The following CLECL1 variants were observed in gnomAD, a reference collection of about 807,000 sequenced individuals.
CLECL1 encodes the protein C-type lectin like 1.
intron 1 of CLECL1, among the ~76,000 whole-genome samples, chr12:9,731,433 T>C (rs1323708961): frequency 6.6e-6 from 1 of 152,132 alleles, no homozygotes; most frequent in East Asian, 1.9e-4. Context: ...TGACAACCTT[T>C]AGGAGAAAAG....
chr12:9,714,929 A>G (rs1294407942), downstream of CLECL1, among the ~76,000 whole-genome samples: 2 of 152,212 alleles, frequency 1.3e-5, no homozygotes. Context: ...TCTGGAGAGC[A>G]TCTTTGAACC....
At chr12:9,703,904 AC>A in the CLECL1 span, among the ~76,000 whole-genome samples, 1 of 151,924 alleles carries the variant, frequency 6.6e-6, no homozygotes, top group East Asian at 1.9e-4. Flanking sequence ...TACAGTGGAG[AC>A]CTCAACATAT....
At chr12:9,722,710 G>A in exon 4 of CLECL1, 7 of 1,613,706 alleles carry the variant, frequency 4.3e-6, no homozygotes, top group Non-Finnish European at 5.9e-6. Context: ...TTTGACTTTT[G>A]TTCCAAGATT....
chr12:9,732,981 G>C (rs776471903), exon 1 of CLECL1: 3 of 1,609,554 alleles, frequency 1.9e-6, no homozygotes, highest in African/African-American at 1.3e-5. Flanking sequence ...GAGTTCTAAC[G>C]GGGAAGTCCG....
At chr12:9,710,971 CA>C (rs2121030165), downstream of CLECL1, among the ~76,000 whole-genome samples, 1 of 152,298 alleles carries the variant, frequency 6.6e-6, no homozygotes, top group South Asian at 2.1e-4. Context: ...CCTCAGGATA[CA>C]GAAAGTCCAC....
the CLECL1 span, among the ~76,000 whole-genome samples, chr12:9,702,358 A>G: frequency 3.7e-4 from 56 of 152,230 alleles, no homozygotes; most frequent in South Asian, 0.011. Context: ...TCTCTCTGAC[A>G]TCCGGCTGCT....
intron 3 of CLECL1, among the ~76,000 whole-genome samples, chr12:9,726,313 A>G (rs1197682702): frequency 6.6e-6 from 1 of 152,082 alleles, no homozygotes; most frequent in Admixed American, 6.6e-5. Flanking sequence ...AAGTTTGAAA[A>G]TACATCCCTA....
downstream of CLECL1, among the ~76,000 whole-genome samples, chr12:9,719,470 G>A (rs1409902496): frequency 6.6e-6 from 1 of 152,236 alleles, no homozygotes; most frequent in Non-Finnish European, 1.5e-5. Flanking sequence ...AGCTTGCAGT[G>A]AGCCGAGATT....
At chr12:9,720,169 G>A (rs886553235), downstream of CLECL1, among the ~76,000 whole-genome samples, 21 of 152,028 alleles carry the variant, frequency 1.4e-4, no homozygotes, top group African/African-American at 4.3e-4. Flanking sequence ...TCTTACAGGA[G>A]CAGATTTTGT....
chr12:9,733,339 A>C, upstream of CLECL1: 1 of 1,003,652 alleles, frequency 1.0e-6, no homozygotes, highest in Non-Finnish European at 1.5e-6. Context: ...ATACCACAGA[A>C]GATATCTCAC....
downstream of CLECL1, among the ~76,000 whole-genome samples, chr12:9,714,923 G>A (rs1565479545): frequency 2.0e-5 from 3 of 152,164 alleles, no homozygotes; most frequent in Admixed American, 2.0e-4. Context: ...ACTGGTTCTG[G>A]AGAGCATCTT....
At chr12:9,719,525 C>G (rs775227508), downstream of CLECL1, among the ~76,000 whole-genome samples, 5 of 152,082 alleles carry the variant, frequency 3.3e-5, no homozygotes, top group South Asian at 1.0e-3. Flanking sequence ...GACTTTGTCT[C>G]AAAAACAAAA....
chr12:9,715,540 T>C (rs1014333144), downstream of CLECL1, among the ~76,000 whole-genome samples: 33 of 152,134 alleles, frequency 2.2e-4, 1 homozygote, highest in African/African-American at 6.5e-4. Context: ...AATAAAAAGA[T>C]TGTCTTAACT....
chr12:9,712,476 G>T (rs1292559003), downstream of CLECL1, among the ~76,000 whole-genome samples: 13 of 152,174 alleles, frequency 8.5e-5, no homozygotes, highest in Non-Finnish European at 8.8e-5. Flanking sequence ...AGCCAAGCAT[G>T]AACAATGCAA....
At chr12:9,715,319 G>A (rs984480391), downstream of CLECL1, among the ~76,000 whole-genome samples, 1 of 152,042 alleles carries the variant, frequency 6.6e-6, no homozygotes, top group African/African-American at 2.4e-5. Flanking sequence ...CATTTTTGGG[G>A]ACCCCTTTTC....
the CLECL1 span, among the ~76,000 whole-genome samples, chr12:9,703,437 C>T: frequency 6.6e-6 from 1 of 151,820 alleles, no homozygotes; most frequent in African/African-American, 2.4e-5. Flanking sequence ...CTCTGTTGCT[C>T]AGGCTGGAGT....
intron 3 of CLECL1, among the ~76,000 whole-genome samples, chr12:9,724,281 C>G (rs10772085): frequency 0.54 from 81,714 of 151,782 alleles, 22,353 homozygotes; most frequent in African/African-American, 0.63. Flanking sequence ...CAGACTTCTC[C>G]ATATAACTTT....
downstream of CLECL1, chr12:9,722,482 T>A: frequency 1.6e-6 from 2 of 1,228,538 alleles, no homozygotes; most frequent in Non-Finnish European, 2.1e-6. Context: ...AAAAAAAACC[T>A]CAAAGGTAAT....
downstream of CLECL1, chr12:9,718,827 G>T: frequency 1.5e-6 from 1 of 682,998 alleles, no homozygotes; most frequent in South Asian, 1.6e-5. Flanking sequence ...CAACAACCTT[G>T]ATCTTGGACT....
Sources: gnomAD v4.1 joint callset for allele counts (sites outside exome capture counted in the v4.1 genomes callset) on GRCh38, gnomAD v4.1.1 for gene constraint, MANE v1.5 for transcripts, NCBI Gene and HGNC (gene_info 2026-07-23, HGNC 2026-07-21) for gene names.